RGSL1: variants seen among roughly 807,000 people sequenced by gnomAD.
The protein encoded by RGSL1 is regulator of G protein signaling like 1, also known as regulator of G protein signaling protein-like.
In RGSL1, 97 loss-of-function variants were observed where a neutral mutation model predicts 124.7. The observed-to-expected ratio is 0.78, with a 90% CI of 0.66 to 0.92. The LOEUF is 0.92. Among genes scored for constraint, RGSL1 ranks in the 40% least tolerant of loss-of-function variants. RGSL1 has a pLI of 0.00. For synonymous variants in RGSL1, 424 were observed against 438.1 expected (o/e 0.97, Z 0.40); for missense variants, 1,233 against 1,288.4 (o/e 0.96, Z 0.66).
chr1:182,490,019 T>A (rs997346116), intron 8 of RGSL1, among the ~76,000 whole-genome samples: 4 of 152,192 alleles, frequency 2.6e-5, no homozygotes, highest in Non-Finnish European at 5.9e-5. Flanking sequence ...TCCTTAAATA[T>A]ATACCTGTGT....
intron 9 of RGSL1, among the ~76,000 whole-genome samples, chr1:182,509,762 G>A (rs1361974870): frequency 6.6e-5 from 9 of 135,948 alleles, no homozygotes; most frequent in African/African-American, 2.5e-4. Context: ...GGCCGGGTGG[G>A]GGGGCTGACC....
chr1:182,454,586 ATGTGTGTGTGTGTGTG>A lies in RGSL1; in HGVS notation c.96+571_96+586del, dbSNP rs68163917. Among the ~76,000 whole-genome samples, 130 of 144,612 alleles carry A rather than the reference ATGTGTGTGTGTGTGTG, an allele frequency of 9.0e-4. No homozygotes were observed. The East Asian group carries it at 0.023, about 26-fold the overall frequency. The allele number at this position is 144,612 out of a possible 152,430, so 94.9% of individuals were successfully genotyped here. A position where few individuals can be genotyped will look rare whatever the true frequency, so the allele number is the denominator to read the frequency against. Reference sequence around the variant, plus strand: ...GCACTTTGCAACTCTCTTGAGTTGTATGTGTGTGTGTGTGTGTGTGTGTGTGTGTGTGTGTGTGTGG... The same window carrying A: ...GCACTTTGCAACTCTCTTGAGTTGTATGTGTGTGTGTGTGTGTGTGTGTGG... On this transcript the variant is annotated intron_variant, in intron 2 of 21. Transcript: ENST00000294854.
chr1:182,501,209 T>C (rs1305601990), intron 9 of RGSL1, among the ~76,000 whole-genome samples: 2 of 151,844 alleles, frequency 1.3e-5, no homozygotes, highest in African/African-American at 4.8e-5. Flanking sequence ...TTGGATTTTG[T>C]CAAATCCTTT....
intron 1 of RGSL1, among the ~76,000 whole-genome samples, chr1:182,452,555 C>A (rs961712464): frequency 1.3e-5 from 2 of 151,696 alleles, no homozygotes; most frequent in South Asian, 2.1e-4. Flanking sequence ...TGGCTTCAAG[C>A]GATTCTCCTG....
chr1:182,479,765 T>C (rs1479775236), intron 6 of RGSL1, among the ~76,000 whole-genome samples: 1 of 151,828 alleles, frequency 6.6e-6, no homozygotes, highest in African/African-American at 2.4e-5. Flanking sequence ...AGAACACAGA[T>C]AGGCTGAAAG....
intron 5 of RGSL1, 72 bp downstream of exon 5, chr1:182,472,629 C>A: frequency 7.1e-7 from 1 of 1,409,684 alleles, no homozygotes; most frequent in South Asian, 1.6e-5. Flanking sequence ...AATCCTCAGT[C>A]TCCTTCTTTG....
At chr1:182,470,026 T>A (rs1475350946) in intron 4 of RGSL1, among the ~76,000 whole-genome samples, 1 of 149,754 alleles carries the variant, frequency 6.7e-6, no homozygotes. Flanking sequence ...AGGCAGTGAC[T>A]GTTTAATGAG....
chr1:182,512,264 ACT>A (rs541975148), intron 9 of RGSL1, among the ~76,000 whole-genome samples: 4 of 151,630 alleles, frequency 2.6e-5, no homozygotes, highest in Non-Finnish European at 5.9e-5. Context: ...TTATATAGTG[ACT>A]CTCTGTCTCT....
chr1:182,509,419 G>A (rs1265062805), intron 9 of RGSL1, among the ~76,000 whole-genome samples: 1 of 26,040 alleles, frequency 3.8e-5, no homozygotes, highest in Admixed American at 2.7e-4. Context: ...CCTCCCAGAC[G>A]GGGCGGCTGG....
At chr1:182,544,960 T>G (rs1180886720) in intron 15 of RGSL1, among the ~76,000 whole-genome samples, 1 of 152,102 alleles carries the variant, frequency 6.6e-6, no homozygotes, top group Non-Finnish European at 1.5e-5. Context: ...CTATATGTCT[T>G]TTAATTAGAG....
rs529656901 is a variant in RGSL1 at position 182,461,468 on chromosome 1, G to A, written c.301+1335G>A. On this transcript the variant is annotated intron_variant, in intron 4 of 21. Transcript: ENST00000294854. ...AAAAAAAAATCAGAAGGCACACAAAGAGGAAAGTATGGTCAATTTAAAGAA... is the reference window on the plus strand; with the variant it reads ...AAAAAAAAATCAGAAGGCACACAAAAAGGAAAGTATGGTCAATTTAAAGAA... Among the ~76,000 whole-genome samples, 159 of 151,916 alleles carry A rather than the reference G, an allele frequency of 1.0e-3. 4 individuals are homozygous for A. The South Asian group carries it at 0.032, about 31-fold the overall frequency.
At chr1:182,479,586 G>A (rs918065918) in intron 6 of RGSL1, among the ~76,000 whole-genome samples, 3 of 152,006 alleles carry the variant, frequency 2.0e-5, no homozygotes, top group African/African-American at 7.2e-5. Flanking sequence ...GAAAGAGAGG[G>A]AAGAAGAGAG....
Position 182,488,419 on chromosome 1 carries a change from A to G in RGSL1, c.1494+72A>G, listed in dbSNP as rs574628618. On this transcript the variant is annotated intron_variant, in intron 7 of 21. Coordinates refer to ENST00000294854, the MANE Select transcript of RGSL1 (RefSeq NM_001137669.2). ...AAGAAAGAGTAATTACTGTTTTAAAAGGGTTATGTGTTAAAGTAAATGAAA... is the reference window on the plus strand; with the variant it reads ...AAGAAAGAGTAATTACTGTTTTAAAGGGGTTATGTGTTAAAGTAAATGAAA... 22 of 1,312,278 alleles carry G rather than the reference A, an allele frequency of 1.7e-5. No homozygotes were observed. In the South Asian group the frequency reaches 2.0e-4, roughly 12 times the overall value. The allele number at this position is 1,312,278 out of a possible 1,614,324, so 81.3% of individuals were successfully genotyped here. A position where few individuals can be genotyped will look rare whatever the true frequency, so the allele number is the denominator to read the frequency against.
At chr1:182,459,734 C>T (rs1652652958) in intron 3 of RGSL1, among the ~76,000 whole-genome samples, 1 of 152,208 alleles carries the variant, frequency 6.6e-6, no homozygotes, top group Non-Finnish European at 1.5e-5. Flanking sequence ...AACAACTTCA[C>T]TCAGGGATAA....
chr1:182,467,556 G>T (rs1653446646), intron 4 of RGSL1, among the ~76,000 whole-genome samples: 1 of 152,060 alleles, frequency 6.6e-6, no homozygotes. Flanking sequence ...GGGAAAACTG[G>T]CTAGCCATAT....
chr1:182,518,521 G>A (rs1315993709), intron 9 of RGSL1, among the ~76,000 whole-genome samples: 1 of 152,164 alleles, frequency 6.6e-6, no homozygotes, highest in East Asian at 1.9e-4. Flanking sequence ...GGGGATGGTA[G>A]CCCCACTTAC....
chr1:182,480,422 C>A (rs931418329), intron 6 of RGSL1, among the ~76,000 whole-genome samples: 2 of 151,918 alleles, frequency 1.3e-5, no homozygotes, highest in South Asian at 2.1e-4. Context: ...AAGAATGAAA[C>A]CCTGTCTCTA....
chr1:182,555,819 G>A (rs893508215), intron 20 of RGSL1: 1 of 587,158 alleles, frequency 1.7e-6, no homozygotes, highest in African/African-American at 1.9e-5. Context: ...CTTTACACTG[G>A]AAAAGCAATG....
At chr1:182,457,747 C>T (rs781534967) in intron 2 of RGSL1, among the ~76,000 whole-genome samples, 7 of 152,150 alleles carry the variant, frequency 4.6e-5, no homozygotes, top group Non-Finnish European at 7.3e-5. Context: ...AGTCCTTTCC[C>T]ATCCATTTCA....
Sources: allele counts gnomAD v4.1 joint callset (sites outside exome capture counted in the v4.1 genomes callset), GRCh38; gene constraint gnomAD v4.1.1; transcripts MANE v1.5; gene names NCBI Gene and HGNC (gene_info 2026-07-23, HGNC 2026-07-21).